Variants in IDNK observed in about 807,000 individuals in gnomAD.
IDNK encodes IDNK gluconokinase.
IDNK carries 9 observed loss-of-function variants against 13.0 expected under a neutral mutation model. The ratio of observed to expected loss-of-function variants is 0.69; its 90% CI spans 0.42 to 1.21. IDNK has a LOEUF of 1.21. Ranked by LOEUF, IDNK falls within the 50% of genes most tolerant of loss-of-function variation. IDNK has a pLI of 0.00. For synonymous variants in IDNK, 92 were observed against 94.9 expected, an observed-to-expected ratio of 0.97 and a Z score of 0.18; for missense variants, 210 against 237.8, an observed-to-expected ratio of 0.88 and a Z score of 0.77.
chr9:83,628,792 C>G, intron 2 of IDNK, 81 bp from the exon 3 acceptor site: 1 of 989,142 alleles, frequency 1.0e-6, no homozygotes, highest in South Asian at 1.3e-5. Context: ...TGTTTCTACA[C>G]CTGCCTGTTA....
intron 3 of IDNK, among the ~76,000 whole-genome samples, chr9:83,636,387 T>C (rs1291659966): frequency 6.6e-6 from 1 of 152,200 alleles, no homozygotes; most frequent in Non-Finnish European, 1.5e-5. Context: ...ATCCAGCTAA[T>C]TGTCCCTGTA....
chr9:83,630,408 C>G lies in IDNK; in HGVS notation c.168+1449C>G, dbSNP rs1230682102. 2.6e-5 allele frequency among the ~76,000 whole-genome samples: 4 copies of G among 152,256 alleles called. No individual in the cohort carries two copies. In the South Asian group the frequency reaches 8.3e-4, roughly 32 times the overall value. On this transcript the variant is annotated intron_variant, in intron 3 of 4. Transcript: ENST00000376419. Reference sequence around the variant, plus strand: ...ACTAGAGATAATAAACATAGGCAACCTGGTTCCACCACCAGGCTTGTATGA... The same window carrying G: ...ACTAGAGATAATAAACATAGGCAACGTGGTTCCACCACCAGGCTTGTATGA...
At chr9:83,638,815 TAAAG>T (rs1831227096) in intron 3 of IDNK, among the ~76,000 whole-genome samples, 1 of 152,106 alleles carries the variant, frequency 6.6e-6, no homozygotes, top group South Asian at 2.1e-4. Context: ...AAGCACAAAA[TAAAG>T]ACATTTTCTA....
intron 3 of IDNK, among the ~76,000 whole-genome samples, chr9:83,636,690 A>G (rs549903460): frequency 6.6e-6 from 1 of 152,332 alleles, no homozygotes; most frequent in African/African-American, 2.4e-5. Flanking sequence ...TTTCTGACAC[A>G]CACAAAGACA....
intron 3 of IDNK, among the ~76,000 whole-genome samples, chr9:83,634,261 G>A (rs1294637280): frequency 6.6e-6 from 1 of 152,138 alleles, no homozygotes; most frequent in Non-Finnish European, 1.5e-5. Context: ...CCTTACTGGT[G>A]CATGGTCATT....
At chr9:83,640,990 T>C (rs1407918096) in intron 3 of IDNK, among the ~76,000 whole-genome samples, 1 of 152,224 alleles carries the variant, frequency 6.6e-6, no homozygotes, top group African/African-American at 2.4e-5. Context: ...TAATCAGGAT[T>C]TGCGCCAGGA....
At chr9:83,635,422 C>G (rs1217945983) in intron 3 of IDNK, among the ~76,000 whole-genome samples, 3 of 152,214 alleles carry the variant, frequency 2.0e-5, no homozygotes, top group African/African-American at 7.2e-5. Context: ...TAGGAAAAGG[C>G]TTGCTAATGA....
Position 83,624,254 on chromosome 9 carries a change from C to A in IDNK, c.50+1033C>A, listed in dbSNP as rs76331103. 8.5e-3 allele frequency among the ~76,000 whole-genome samples: 1,292 copies of A among 152,212 alleles called. 21 individuals carry two copies. The highest frequency in any genetic ancestry group is 0.03 in the African/African-American group (1,236 of 41,506). ...GGTGTGATGTAACAGGAGTGAAGAG[C>A]CCTAGGTCTTGGTTCTGTTGCTGTC... On this transcript the variant is annotated intron_variant, in intron 1 of 4. Transcript: ENST00000376419.
Position 83,627,996 on chromosome 9 carries a change from G to A in IDNK, c.51-185G>A, listed in dbSNP as rs1047947816. The A allele has an allele frequency of 6.6e-6, 9 of 1,369,282 alleles. No individual in the cohort carries two copies. The Admixed American group carries it at 9.0e-5, about 14-fold the overall frequency. The allele number at this position is 1,369,282 out of a possible 1,614,324, so 84.8% of individuals were successfully genotyped here. ...ACTAATTATTTCTTCATTGACATTC[G>A]TGGGGATCAGCTAAGGCCAGTCTCC... On this transcript the variant is annotated intron_variant, in intron 1 of 4. Transcript: ENST00000376419.
intron 4 of IDNK, among the ~76,000 whole-genome samples, chr9:83,642,317 A>C (rs1361962740): frequency 6.6e-6 from 1 of 152,250 alleles, no homozygotes; most frequent in Non-Finnish European, 1.5e-5. Flanking sequence ...TAATATACTT[A>C]AATGAACATA....
At chr9:83,631,987 A>G (rs1287302418) in intron 3 of IDNK, among the ~76,000 whole-genome samples, 1 of 152,168 alleles carries the variant, frequency 6.6e-6, no homozygotes, top group African/African-American at 2.4e-5. Flanking sequence ...AAATCCTGAA[A>G]AAAATCTCCT....
chr9:83,641,784 C>T (rs1831316840), intron 4 of IDNK, among the ~76,000 whole-genome samples, 193 bp downstream of exon 4: 1 of 152,230 alleles, frequency 6.6e-6, no homozygotes, highest in African/African-American at 2.4e-5. Context: ...TTTAGTCGGG[C>T]TCTGGAGACA....
At chr9:83,640,402 G>A (rs184251265) in intron 3 of IDNK, among the ~76,000 whole-genome samples, 14 of 152,124 alleles carry the variant, frequency 9.2e-5, no homozygotes, top group Admixed American at 3.9e-4. Context: ...TAAATAAAAC[G>A]GTAGTAATCA....
chr9:83,624,373 C>T (rs1477812515), intron 1 of IDNK, among the ~76,000 whole-genome samples: 1 of 152,204 alleles, frequency 6.6e-6, no homozygotes, highest in Non-Finnish European at 1.5e-5. Flanking sequence ...TTGTGATATT[C>T]ATGTACTCAG....
In IDNK at chr9:83,626,697, G is replaced by A. The variant is rs188802382; in HGVS notation, c.51-1484G>A. The A allele has an allele frequency of 7.6e-5, 96 of 1,270,490 alleles. 1 individual carries two copies. In the East Asian group the frequency reaches 4.1e-3, roughly 54 times the overall value. The allele number at this position is 1,270,490 out of a possible 1,614,324, so 78.7% of individuals were successfully genotyped here. On this transcript the variant is annotated intron_variant, in intron 1 of 4. Transcript: ENST00000376419. The stretch of plus-strand genomic sequence containing the variant: ...CTCCCAAAGTGCTGGGATTATAGGC[G>A]TGAGCCAAGGGCTCAACCTAACTTG...
At chr9:83,632,135 G>T (rs1444436373) in intron 3 of IDNK, among the ~76,000 whole-genome samples, 1 of 151,898 alleles carries the variant, frequency 6.6e-6, no homozygotes, top group Non-Finnish European at 1.5e-5. Flanking sequence ...TTTCATGGAG[G>T]GGGTCAGTAT....
chr9:83,634,040 G>A (rs934383542), intron 3 of IDNK, among the ~76,000 whole-genome samples: 2 of 152,218 alleles, frequency 1.3e-5, no homozygotes, highest in Non-Finnish European at 2.9e-5. Flanking sequence ...TGGTAGCCTG[G>A]CTTAAAGCAG....
intron 2 of IDNK, among the ~76,000 whole-genome samples, chr9:83,628,549 G>A (rs1397526940): frequency 7.9e-5 from 12 of 152,168 alleles, no homozygotes; most frequent in Admixed American, 5.9e-4. Context: ...CTACTCAGGA[G>A]GCTGAGGCAG....
intron 4 of IDNK, among the ~76,000 whole-genome samples, chr9:83,642,529 A>T (rs986412798): frequency 6.7e-6 from 1 of 148,550 alleles, no homozygotes; most frequent in East Asian, 2.0e-4. Flanking sequence ...GTATGGCTTC[A>T]TTTTTATATT....
Sources: gnomAD v4.1 joint callset for allele counts (sites outside exome capture counted in the v4.1 genomes callset) on GRCh38, gnomAD v4.1.1 for gene constraint, MANE v1.5 for transcripts, NCBI Gene and HGNC (gene_info 2026-07-23, HGNC 2026-07-21) for gene names.